CHN1: variants seen among roughly 807,000 people sequenced by gnomAD.
CHN1 encodes chimerin 1.
A neutral mutation model predicts 59.5 loss-of-function variants in CHN1; 37 were observed. The ratio of observed to expected loss-of-function variants is 0.62; its 90% CI spans 0.48 to 0.82. The LOEUF (loss-of-function observed/expected upper bound fraction) is 0.82, where lower values mean the gene tolerates loss of function less well. CHN1 is among the 40% of genes least tolerant of loss of function. CHN1 has a pLI of 0.00. For missense variants in CHN1, 469 were observed against 571.0 expected, an observed-to-expected ratio of 0.82 and a Z score of 1.82; for synonymous variants, 206 against 200.4, an observed-to-expected ratio of 1.03 and a Z score of -0.24.
intron 1 of CHN1, among the ~76,000 whole-genome samples, chr2:174,969,880 T>C (rs140725629): frequency 1.4e-3 from 215 of 152,272 alleles, no homozygotes; most frequent in Non-Finnish European, 2.7e-3. Context: ...CTGTAAACAC[T>C]TGTGGGTCAC....
rs990366835 is a variant in CHN1 at position 174,913,323 on chromosome 2, C to G, written c.260+1735G>C. On this transcript the variant is annotated intron_variant, in intron 5 of 12. Transcript: ENST00000409900. ...TACCTCACCTTCTTCCTTCCTTATT[C>G]TGGACCATTTACATCAAGGCTGTTT... Among the ~76,000 whole-genome samples, 3 of 152,154 alleles carry G rather than the reference C, an allele frequency of 2.0e-5. No individual in the cohort carries two copies. The South Asian group carries it at 6.2e-4, about 32-fold the overall frequency.
chr2:174,872,505 T>G (rs1327396097), intron 6 of CHN1, among the ~76,000 whole-genome samples: 1 of 151,242 alleles, frequency 6.6e-6, no homozygotes, highest in Admixed American at 6.6e-5. Context: ...CAAAGGAGAG[T>G]TAAAATACTG....
At chr2:174,866,147 T>C (rs933731324) in intron 6 of CHN1, among the ~76,000 whole-genome samples, 2 of 152,156 alleles carry the variant, frequency 1.3e-5, no homozygotes, top group Non-Finnish European at 2.9e-5. Flanking sequence ...TGGATCTTTA[T>C]GTAAAACAAA....
chr2:174,999,803 G>C (rs573348144), intron 1 of CHN1, among the ~76,000 whole-genome samples: 1 of 152,192 alleles, frequency 6.6e-6, no homozygotes, highest in Non-Finnish European at 1.5e-5. Context: ...AAGGCCGGGA[G>C]AGGGAGGATT....
chr2:174,902,741 T>C (rs1688429078), intron 5 of CHN1, among the ~76,000 whole-genome samples: 1 of 152,168 alleles, frequency 6.6e-6, no homozygotes, highest in Admixed American at 6.5e-5. Context: ...ACTAGCAGCA[T>C]AATCCTTCCC....
chr2:174,928,729 G>T (rs577618517), intron 3 of CHN1, among the ~76,000 whole-genome samples: 3 of 152,308 alleles, frequency 2.0e-5, no homozygotes, highest in South Asian at 2.1e-4. Flanking sequence ...GGAAAGGCTA[G>T]AATCAGATAA....
chr2:174,846,471 A>G, intron 7 of CHN1: 4 of 1,488,986 alleles, frequency 2.7e-6, no homozygotes, highest in Non-Finnish European at 3.6e-6. Context: ...CTCAATCCAG[A>G]TGCAACAGCA....
chr2:174,983,723 G>A (rs1441187565), intron 1 of CHN1, among the ~76,000 whole-genome samples: 1 of 152,158 alleles, frequency 6.6e-6, no homozygotes, highest in Non-Finnish European at 1.5e-5. Flanking sequence ...AGCTGCTCGG[G>A]AGGCTGAAGC....
At chr2:174,916,451 C>A (rs1043802137) in intron 4 of CHN1, among the ~76,000 whole-genome samples, 7 of 152,152 alleles carry the variant, frequency 4.6e-5, no homozygotes, top group Non-Finnish European at 8.8e-5. Flanking sequence ...TCCTCCCCTA[C>A]AATAACTGCA....
At chr2:174,840,569 A>G (rs1315860018) in intron 7 of CHN1, among the ~76,000 whole-genome samples, 1 of 152,058 alleles carries the variant, frequency 6.6e-6, no homozygotes, top group Non-Finnish European at 1.5e-5. Flanking sequence ...TACATTACAT[A>G]TTACTGTGTC....
Position 174,948,980 on chromosome 2 carries a change from G to T in CHN1, c.58+3184C>A, listed in dbSNP as rs533006076. On this transcript the variant is annotated intron_variant, in intron 2 of 12. Coordinates refer to ENST00000409900, the MANE Select transcript of CHN1 (RefSeq NM_001822.7). ...CTATATATATATCTGGCCTAAGATT[G>T]TCATGGCTCACATATTAAGGATACT... 3.7e-4 allele frequency among the ~76,000 whole-genome samples: 57 copies of T among 152,242 alleles called. No homozygotes were observed. In the South Asian group the frequency reaches 0.011, roughly 30 times the overall value.
At chr2:174,826,549 T>C (rs2646168) in intron 7 of CHN1, among the ~76,000 whole-genome samples, 2,212 of 152,282 alleles carry the variant, frequency 0.015, 52 homozygotes, top group African/African-American at 0.05. Flanking sequence ...GTCTCAGGAA[T>C]TATTTTGTGC....
At chr2:174,864,017 G>T (rs906401817) in intron 6 of CHN1, among the ~76,000 whole-genome samples, 1 of 152,038 alleles carries the variant, frequency 6.6e-6, no homozygotes, top group African/African-American at 2.4e-5. Context: ...TTATAGTTAT[G>T]AAATGCTAAT....
intron 1 of CHN1, among the ~76,000 whole-genome samples, chr2:174,989,571 C>T (rs900036242): frequency 4.6e-5 from 7 of 151,934 alleles, no homozygotes; most frequent in African/African-American, 1.5e-4. Flanking sequence ...GGGAGGAGTG[C>T]TTGAGCCCAG....
At chr2:174,808,747 G>GT (rs1431810876) in intron 11 of CHN1, among the ~76,000 whole-genome samples, 158 bp downstream of exon 11, 1 of 152,308 alleles carries the variant, frequency 6.6e-6, no homozygotes, top group Non-Finnish European at 1.5e-5. Context: ...AATAATCTAC[G>GT]TTAGAGAACA....
intron 1 of CHN1, among the ~76,000 whole-genome samples, chr2:174,956,127 T>C (rs1690196512): frequency 1.3e-5 from 2 of 152,154 alleles, no homozygotes; most frequent in African/African-American, 4.8e-5. Context: ...TGGAGAATAA[T>C]GATAAGAATT....
chr2:174,820,940 A>C (rs968198123), intron 8 of CHN1, among the ~76,000 whole-genome samples: 2 of 152,186 alleles, frequency 1.3e-5, no homozygotes, highest in Admixed American at 6.5e-5. Context: ...GCCTCGGTGG[A>C]TTTTGAAAAA....
At chr2:174,837,729 C>CA (rs1486177343) in intron 7 of CHN1, among the ~76,000 whole-genome samples, 3 of 151,970 alleles carry the variant, frequency 2.0e-5, no homozygotes, top group Admixed American at 6.6e-5. Flanking sequence ...TGTTGCTTGT[C>CA]AAAAAAATAA....
At chr2:174,824,738 G>A (rs1462985402) in intron 7 of CHN1, among the ~76,000 whole-genome samples, 3 of 152,190 alleles carry the variant, frequency 2.0e-5, no homozygotes, top group Non-Finnish European at 4.4e-5. Context: ...AGCCTCCTGA[G>A]TAGCTGGGAC....
Sources: gnomAD v4.1 joint callset for allele counts (sites outside exome capture counted in the v4.1 genomes callset) on GRCh38, gnomAD v4.1.1 for gene constraint, MANE v1.5 for transcripts, NCBI Gene and HGNC (gene_info 2026-07-23, HGNC 2026-07-21) for gene names.